SLC25A42: variants seen among roughly 807,000 people sequenced by gnomAD.
SLC25A42 encodes the protein mitochondrial coenzyme A transporter SLC25A42.
SLC25A42 carries 19 observed loss-of-function variants against 34.7 expected under a neutral mutation model. The ratio of observed to expected loss-of-function variants is 0.55; its 90% confidence interval spans 0.38 to 0.80. SLC25A42 has a LOEUF of 0.80. Ranked by LOEUF, SLC25A42 falls within the 30% of genes least tolerant of loss-of-function variation. The pLI is 0.00. For synonymous variants in SLC25A42, 205 were observed against 191.2 expected (o/e 1.07, Z -0.59); for missense variants, 364 against 441.3 (o/e 0.82, Z 1.57).
In SLC25A42 at chr19:19,112,552, G is replaced by C. The variant is rs569602595; in HGVS notation, c.*1676G>C. Reference sequence around the variant, plus strand: ...AGTAGGAATTGGGGGTCTGCCCCAGGTGGGTGAGACCAAATGAGTGGATTT... The same window carrying C: ...AGTAGGAATTGGGGGTCTGCCCCAGCTGGGTGAGACCAAATGAGTGGATTT... On this transcript the variant is annotated 3_prime_UTR_variant, in exon 8 of 8. Transcript: ENST00000318596. The surrounding 1 kb of genome is among the most constrained non-coding windows in gnomAD (Gnocchi z 4.3). The C allele has an allele frequency of 6.6e-6, 1 of 152,444 alleles. No individual in the cohort carries two copies. The highest frequency in any genetic ancestry group is 1.9e-4 in the East Asian group (1 of 5,180). The allele number at this position is 152,444 out of a possible 1,614,324, so 9.4% of individuals were successfully genotyped here. A position where few individuals can be genotyped will look rare whatever the true frequency, so the allele number is the denominator to read the frequency against.
intron 1 of SLC25A42, 162 bp from the exon 2 acceptor site, chr19:19,095,929 G>A (rs1404824703): frequency 1.5e-6 from 1 of 681,772 alleles, no homozygotes; most frequent in South Asian, 1.5e-5. Context: ...AAAGGCTTTT[G>A]TAAATGATTA....
intron 5 of SLC25A42, 86 bp downstream of exon 5, chr19:19,105,813 T>C (rs2059823960): frequency 1.7e-6 from 2 of 1,143,748 alleles, no homozygotes; most frequent in Non-Finnish European, 2.4e-6. Flanking sequence ...CTCCCTCCTC[T>C]TCGTGCCTTG....
chr19:19,110,931 C>T lies in SLC25A42; in HGVS notation c.*55C>T. On this transcript the variant is annotated 3_prime_UTR_variant, in exon 8 of 8. Coordinates refer to ENST00000318596, the MANE Select transcript of SLC25A42 (RefSeq NM_178526.5). ...ACCGGTGACCCCTTTGTATTCTGGG[C>T]CCATGGAACGGTGGGGGGGTGCGCT... 6.3e-7 allele frequency: 1 copy of T among 1,588,332 alleles called. No homozygotes were observed.
At chr19:19,079,679 C>T (rs752893312) in intron 1 of SLC25A42, among the ~76,000 whole-genome samples, 8 of 152,138 alleles carry the variant, frequency 5.3e-5, no homozygotes, top group Non-Finnish European at 8.8e-5. Context: ...GGGTTACTTC[C>T]ACTTTTTGGC....
intron 2 of SLC25A42, among the ~76,000 whole-genome samples, chr19:19,096,421 G>C (rs978991576): frequency 6.6e-6 from 1 of 152,052 alleles, no homozygotes; most frequent in Non-Finnish European, 1.5e-5. Context: ...GGGTGGAGTG[G>C]TGGAGCCTCT....
chr19:19,102,053 G>C (rs934327308), intron 3 of SLC25A42, among the ~76,000 whole-genome samples, 167 bp downstream of exon 3: 2 of 151,598 alleles, frequency 1.3e-5, no homozygotes, highest in African/African-American at 4.8e-5. Flanking sequence ...CTGTCACCCA[G>C]GCTGGAGTGC....
intron 3 of SLC25A42, 102 bp downstream of exon 3, chr19:19,101,988 T>G: frequency 1.4e-6 from 1 of 731,914 alleles, no homozygotes; most frequent in Non-Finnish European, 2.2e-6. Context: ...ATTTTTAGAT[T>G]TATTTTAGAA....
At chr19:19,080,188 G>C (rs1005409197) in intron 1 of SLC25A42, among the ~76,000 whole-genome samples, 1 of 152,152 alleles carries the variant, frequency 6.6e-6, no homozygotes, top group African/African-American at 2.4e-5. Context: ...CCTGGGAGCT[G>C]GTACACTTGC....
chr19:19,083,517 T>C (rs191132058), intron 1 of SLC25A42, among the ~76,000 whole-genome samples: 2 of 152,340 alleles, frequency 1.3e-5, no homozygotes, highest in Admixed American at 6.5e-5. Flanking sequence ...TTTCAGGATC[T>C]CCAGCCTCGG....
chr19:19,076,457 G>A (rs900048664), intron 1 of SLC25A42, among the ~76,000 whole-genome samples: 4 of 151,984 alleles, frequency 2.6e-5, no homozygotes, highest in African/African-American at 9.7e-5. Flanking sequence ...GCAGCACAGT[G>A]AGACTCCATC....
In SLC25A42 at chr19:19,110,537, C is replaced by T. The variant is rs1405266508; in HGVS notation, c.650-32C>T. 2.1e-5 allele frequency: 29 copies of T among 1,375,410 alleles called. 1 individual carries two copies. Among genetic ancestry groups the T allele is most frequent in the East Asian group, 3.0e-5 (1 of 33,472 alleles). 85.2% of individuals were successfully genotyped at this position (1,375,410 alleles called of 1,614,324 possible). ...GCGGGGTGCGCGCCCCCTCGCGGCG[C>T]CTTCACGGCCCTCCCGCCCCTCGCC... On this transcript the variant is annotated intron_variant, in intron 7 of 7. Coordinates refer to ENST00000318596, the MANE Select transcript of SLC25A42 (RefSeq NM_178526.5).
chr19:19,071,254 G>T (rs1044201618), intron 1 of SLC25A42, among the ~76,000 whole-genome samples: 1 of 151,942 alleles, frequency 6.6e-6, no homozygotes, highest in Non-Finnish European at 1.5e-5. Context: ...CCATCCTCCC[G>T]CCTCATCCTC....
chr19:19,086,478 C>T (rs2059709057), intron 1 of SLC25A42, among the ~76,000 whole-genome samples: 2 of 152,180 alleles, frequency 1.3e-5, no homozygotes, highest in South Asian at 2.1e-4. Context: ...TCAGAGGCCA[C>T]GCAAACACCC....
At chr19:19,066,603 T>C (rs2059603942) in intron 1 of SLC25A42, among the ~76,000 whole-genome samples, 1 of 151,836 alleles carries the variant, frequency 6.6e-6, no homozygotes, top group Admixed American at 6.6e-5. Flanking sequence ...CACCCACCAC[T>C]ACACCCGGCT....
rs764432730 is a variant in SLC25A42 at position 19,110,783 on chromosome 19, G to A, written c.864G>A (p.Leu288=). 1.9e-6 allele frequency: 3 copies of A among 1,613,760 alleles called. No individual in the cohort carries two copies. The highest frequency in any genetic ancestry group is 2.5e-6 in the Non-Finnish European group (3 of 1,179,992). Residue 288 remains leucine (L), a synonymous_variant, in exon 8 of 8, where the codon TTG becomes TTA. Transcript: ENST00000318596. ...CCGTGCGCGGCCTCTACAAAGGCTT[G>A]AGCATGAACTGGGTCAAGGGTCCCA... ...EGAVRGLYKG[L]SMNWVKGPIA... is the part of the protein sequence containing the mutation.
At chr19:19,076,562 A>G (rs1266400583) in intron 1 of SLC25A42, among the ~76,000 whole-genome samples, 1 of 152,198 alleles carries the variant, frequency 6.6e-6, no homozygotes, top group Non-Finnish European at 1.5e-5. Flanking sequence ...CCATCCATTC[A>G]AGTCCCCTGG....
At chr19:19,099,727 C>CATTTTT (rs2059784565) in intron 2 of SLC25A42, among the ~76,000 whole-genome samples, 1 of 151,990 alleles carries the variant, frequency 6.6e-6, no homozygotes, top group African/African-American at 2.4e-5. Flanking sequence ...ACCCTGGTCA[C>CATTTTT]ATTTTTATTT....
At chr19:19,088,363 G>A (rs955686745) in intron 1 of SLC25A42, among the ~76,000 whole-genome samples, 4 of 148,750 alleles carry the variant, frequency 2.7e-5, no homozygotes, top group Admixed American at 1.3e-4. Flanking sequence ...CCGCCACCAC[G>A]CCTGGCTAAT....
intron 2 of SLC25A42, among the ~76,000 whole-genome samples, chr19:19,098,398 G>T (rs1366209784): frequency 6.6e-6 from 1 of 152,206 alleles, no homozygotes; most frequent in African/African-American, 2.4e-5. Flanking sequence ...AGGAGTTTGA[G>T]AACAGCCTGG....
Sources: allele counts gnomAD v4.1 joint callset (sites outside exome capture counted in the v4.1 genomes callset), GRCh38; gene constraint gnomAD v4.1.1; non-coding constraint Gnocchi (gnomAD v3.1); transcripts MANE v1.5; gene names NCBI Gene and HGNC (gene_info 2026-07-23, HGNC 2026-07-21).